DNAI4: variants seen among roughly 807,000 people sequenced by gnomAD.
DNAI4 encodes dynein axonemal intermediate chain 4.
DNAI4 carries 85 observed loss-of-function variants against 105.8 expected under a neutral mutation model. The ratio of observed to expected loss-of-function variants is 0.80; its 90% CI spans 0.67 to 0.96. The LOEUF is 0.96. Among genes scored for constraint, DNAI4 ranks in the 40% least tolerant of loss-of-function variants. The pLI is 0.00. For synonymous variants in DNAI4, 352 were observed against 331.5 expected, an observed-to-expected ratio of 1.06 and a Z score of -0.67; for missense variants, 1,014 against 1,005.6, an observed-to-expected ratio of 1.01 and a Z score of -0.11.
At chr1:66,816,476 A>T (rs1380835981) in intron 16 of DNAI4, among the ~76,000 whole-genome samples, 1 of 152,098 alleles carries the variant, frequency 6.6e-6, no homozygotes, top group Non-Finnish European at 1.5e-5. Flanking sequence ...TGAAACTTCA[A>T]ATTATTATTA....
intron 2 of DNAI4, among the ~76,000 whole-genome samples, chr1:66,901,470 A>G (rs1310272049): frequency 2.0e-5 from 3 of 152,130 alleles, no homozygotes; most frequent in Admixed American, 6.5e-5. Context: ...TTATTTACCT[A>G]TCACCATCAC....
At chr1:66,867,481 T>C (rs1646757043) in intron 6 of DNAI4, among the ~76,000 whole-genome samples, 1 of 152,160 alleles carries the variant, frequency 6.6e-6, no homozygotes, top group South Asian at 2.1e-4. Flanking sequence ...TTTTCTTCTC[T>C]ACTTCTTGGA....
At chr1:66,873,852 C>CTTTTTTTTTTT (rs749140367) in intron 5 of DNAI4, among the ~76,000 whole-genome samples, 3 of 110,194 alleles carry the variant, frequency 2.7e-5, no homozygotes, top group Admixed American at 9.0e-5. Flanking sequence ...TCCCTCTTTC[C>CTTTTTTTTTTT]TTTTTTTTTT....
intron 8 of DNAI4, among the ~76,000 whole-genome samples, chr1:66,844,932 C>T (rs929528474): frequency 6.6e-6 from 1 of 151,752 alleles, no homozygotes; most frequent in African/African-American, 2.4e-5. Context: ...GTGGCTCATG[C>T]CCTGTAATCC....
At chr1:66,895,325 G>A (rs970166466) in intron 2 of DNAI4, among the ~76,000 whole-genome samples, 3 of 152,128 alleles carry the variant, frequency 2.0e-5, no homozygotes, top group South Asian at 4.1e-4. Flanking sequence ...CCAAAAATTT[G>A]AGAAAATTAG....
At chr1:66,898,915 T>C (rs185718000) in intron 2 of DNAI4, among the ~76,000 whole-genome samples, 173 of 152,316 alleles carry the variant, frequency 1.1e-3, no homozygotes, top group African/African-American at 3.9e-3. Flanking sequence ...CTTAGCATAT[T>C]TTCAAGATTC....
chr1:66,814,984 T>C (rs1645487638), intron 16 of DNAI4, among the ~76,000 whole-genome samples: 2 of 152,300 alleles, frequency 1.3e-5, no homozygotes, highest in Admixed American at 6.5e-5. Context: ...CAAGACAGTA[T>C]AGTGAAAAGA....
rs1557997546 is a variant in DNAI4 at position 66,924,725 on chromosome 1, G to A, written c.107C>T (p.Pro36Leu). ...GACTGGCATGGTGGCGACCAGCTGG[G>A]GAGTGGTGCACCACCCCTTTTTTTG... ...GGQKKGWCTT[P>L]QLVATMPVSP... Residue 36 changes from proline to leucine, a missense_variant, in exon 1 of 17, where the codon CCC becomes CTC. By Grantham distance (98) the Pro-to-Leu change is moderately conservative (BLOSUM62 -3). Coordinates refer to ENST00000371026, the MANE Select transcript of DNAI4 (RefSeq NM_024763.5). The A allele has an allele frequency of 6.2e-7, 1 of 1,614,222 alleles. No individual in the cohort carries two copies. The highest frequency in any genetic ancestry group is 8.5e-7 in the Non-Finnish European group (1 of 1,180,032).
intron 4 of DNAI4, among the ~76,000 whole-genome samples, chr1:66,889,867 A>G (rs1193914333): frequency 2.0e-5 from 3 of 152,208 alleles, no homozygotes; most frequent in African/African-American, 7.2e-5. Flanking sequence ...AATCATCTTT[A>G]AAAACCTGAT....
At chr1:66,911,209 A>G (rs920628029) in intron 1 of DNAI4, among the ~76,000 whole-genome samples, 1 of 152,182 alleles carries the variant, frequency 6.6e-6, no homozygotes, top group Non-Finnish European at 1.5e-5. Flanking sequence ...AGAAACACTT[A>G]CTTTTACTGG....
At chr1:66,859,184 T>C (rs1274971068) in intron 7 of DNAI4, among the ~76,000 whole-genome samples, 1 of 152,084 alleles carries the variant, frequency 6.6e-6, no homozygotes, top group East Asian at 1.9e-4. Context: ...CACATAGATA[T>C]CTCACCAAAA....
At chr1:66,815,926 C>T (rs889682772) in intron 16 of DNAI4, among the ~76,000 whole-genome samples, 1 of 152,152 alleles carries the variant, frequency 6.6e-6, no homozygotes, top group Non-Finnish European at 1.5e-5. Context: ...AGGGCTGGAG[C>T]CAACCTTTGG....
At chr1:66,862,039 A>G in intron 7 of DNAI4, 108 bp downstream of exon 7, 1 of 1,068,498 alleles carries the variant, frequency 9.4e-7, no homozygotes, top group South Asian at 1.8e-5. Flanking sequence ...TAAAAGTTGT[A>G]CTTTTCATGG....
chr1:66,822,150 T>C (rs1011668837), intron 16 of DNAI4, among the ~76,000 whole-genome samples: 3 of 151,268 alleles, frequency 2.0e-5, no homozygotes, highest in African/African-American at 7.3e-5. Context: ...ATTATTATTC[T>C]CATTATCTTT....
intron 4 of DNAI4, among the ~76,000 whole-genome samples, chr1:66,877,261 CTTAT>C (rs1295751100): frequency 6.6e-6 from 1 of 152,128 alleles, no homozygotes; most frequent in East Asian, 1.9e-4. Context: ...CTATTAGTGA[CTTAT>C]TTATTAACTG....
At chr1:66,849,890 G>GA (rs1000204242) in intron 7 of DNAI4, among the ~76,000 whole-genome samples, 1 of 151,822 alleles carries the variant, frequency 6.6e-6, no homozygotes, top group African/African-American at 2.4e-5. Flanking sequence ...AGAAAAGTCT[G>GA]AAAAAAATGA....
rs145605076 is a variant in DNAI4, at chr1:66,876,953, G to A, written c.644-2016C>T. ...GTCCTGAAGTGGTCTAGAACCTTTC[G>A]TGAATGGGTGGGTAAGTCTGTCAAA... On this transcript the variant is annotated intron_variant, in intron 4 of 16. Transcript: ENST00000371026. Among the ~76,000 whole-genome samples the A allele has an allele frequency of 2.3e-3, 357 of 152,240 alleles. 4 individuals are homozygous for A. The highest frequency in any genetic ancestry group is 7.9e-3 in the African/African-American group (329 of 41,564).
intron 1 of DNAI4, among the ~76,000 whole-genome samples, chr1:66,914,198 A>G (rs557523541): frequency 1.3e-5 from 2 of 152,326 alleles, no homozygotes; most frequent in East Asian, 3.9e-4. Context: ...CTAGCATTCC[A>G]TAGGTTTCAC....
At chr1:66,814,979 C>T (rs1645487366) in intron 16 of DNAI4, among the ~76,000 whole-genome samples, 1 of 152,082 alleles carries the variant, frequency 6.6e-6, no homozygotes, top group Non-Finnish European at 1.5e-5. Flanking sequence ...TTAAGCAAGA[C>T]AGTATAGTGA....
Sources: gnomAD v4.1 joint callset for allele counts (sites outside exome capture counted in the v4.1 genomes callset) on GRCh38, gnomAD v4.1.1 for gene constraint, MANE v1.5 for transcripts, NCBI Gene and HGNC (gene_info 2026-07-23, HGNC 2026-07-21) for gene names.